The following CMTR1 variants were observed in gnomAD, a reference collection of about 807,000 sequenced individuals.
CMTR1 encodes cap methyltransferase 1.
Under a neutral mutation model 107.0 loss-of-function variants are expected in CMTR1, and 39 were observed. That is an observed-to-expected ratio of 0.36 (90% CI 0.28 to 0.48). The LOEUF (loss-of-function observed/expected upper bound fraction) is 0.48. Among genes scored for constraint, CMTR1 ranks in the 20% least tolerant of loss-of-function variants. The pLI is 0.99. For synonymous variants in CMTR1, 366 were observed against 379.5 expected, an observed-to-expected ratio of 0.96 and a Z score of 0.41; for missense variants, 672 against 1,064.9, an observed-to-expected ratio of 0.63 and a Z score of 5.14.
chr6:37,459,769 T>C, intron 10 of CMTR1, 85 bp downstream of exon 10: 3 of 924,944 alleles, frequency 3.2e-6, no homozygotes, highest in Non-Finnish European at 5.4e-6. Context: ...TCTGGTTCTT[T>C]AGCTGCTCCC....
At chr6:37,438,811 C>T (rs1442707323) in intron 2 of CMTR1, among the ~76,000 whole-genome samples, 3 of 152,184 alleles carry the variant, frequency 2.0e-5, no homozygotes, top group African/African-American at 4.8e-5. Context: ...TCTTAGGTGT[C>T]CCCCGGACAG....
At position 37,446,350 on chromosome 6, in the gene CMTR1, C is replaced by T. The variant is rs545175375; in HGVS notation, c.345C>T (p.Asp115=). The change falls in exon 4 of 24, where the codon GAC becomes GAT. Residue 115 remains aspartate, a synonymous_variant. Transcript: ENST00000373451. ...GTAAATACAGCCAGGGTCGGAAGGA[C>T]ATCGTTGAGGCTTCCAGTCAGAAAG... The part of the protein sequence containing the change: ...GLGKYSQGRK[D]IVEASSQKGR... 1.9e-6 allele frequency: 3 copies of T among 1,614,164 alleles called. No individual in the cohort carries two copies. In the South Asian group the frequency reaches 3.3e-5, roughly 18 times the overall value.
intron 2 of CMTR1, among the ~76,000 whole-genome samples, chr6:37,439,432 T>C (rs1031431539): frequency 6.6e-6 from 1 of 152,158 alleles, no homozygotes; most frequent in African/African-American, 2.4e-5. Flanking sequence ...AGCCAGTTGC[T>C]TTGGAAGTTG....
At chr6:37,473,439 C>G (rs368808697) in intron 16 of CMTR1, 31 bp from the exon 17 acceptor site, 1 of 1,603,894 alleles carries the variant, frequency 6.2e-7, no homozygotes, top group South Asian at 1.1e-5. Flanking sequence ...TCCCCCAACC[C>G]GGCAGTGTTT....
chr6:37,467,233 CAT>C (rs1761528696), intron 13 of CMTR1, among the ~76,000 whole-genome samples: 1 of 152,116 alleles, frequency 6.6e-6, no homozygotes, highest in African/African-American at 2.4e-5. Context: ...ACCTATGGCT[CAT>C]ATATTTTAAA....
chr6:37,477,267 G>C (rs1761757787), intron 20 of CMTR1, among the ~76,000 whole-genome samples: 1 of 152,218 alleles, frequency 6.6e-6, no homozygotes, highest in Admixed American at 6.5e-5. Context: ...AAGATGACTT[G>C]GGGGTGGGAA....
intron 20 of CMTR1, among the ~76,000 whole-genome samples, chr6:37,476,664 C>T (rs1225961867): frequency 1.3e-5 from 2 of 151,972 alleles, no homozygotes; most frequent in Non-Finnish European, 2.9e-5. Context: ...AGTTCCAGGA[C>T]CCTGAGAGAG....
Position 37,474,605 on chromosome 6 carries a change from ACT to A in CMTR1, c.1906_1907del (p.Leu636AlafsTer8). 6.2e-7 allele frequency: 1 copy of A among 1,614,046 alleles called. No homozygotes were observed. The highest frequency in any genetic ancestry group is 8.5e-7 in the Non-Finnish European group (1 of 1,179,976). ...CCTGAAGACAGAGCTGCCCCGGGAC[ACT>A]CTGCTATCTGTGGAAATTGTGCATG... is the stretch of plus-strand genomic sequence containing the variant. ...LDLKTELPRD[T>X]LLSVEIVHEL... is the part of the protein sequence containing the mutation. On this transcript the variant is annotated frameshift_variant, in exon 18 of 24. Transcript: ENST00000373451. LOFTEE classifies it high-confidence loss of function.
At chr6:37,454,587 A>G (rs1326100071) in intron 8 of CMTR1, among the ~76,000 whole-genome samples, 1 of 152,188 alleles carries the variant, frequency 6.6e-6, no homozygotes, top group African/African-American at 2.4e-5. Context: ...AGCAGCTGGT[A>G]TCTGGTTATT....
chr6:37,454,096 AT>A (rs1761241467), intron 8 of CMTR1, among the ~76,000 whole-genome samples: 1 of 152,178 alleles, frequency 6.6e-6, no homozygotes, highest in Non-Finnish European at 1.5e-5. Flanking sequence ...AAAAAAGGAA[AT>A]TTCATTCTAG....
Position 37,481,002 on chromosome 6 carries a change from C to G in CMTR1, c.*857C>G. 1 of 1,301,936 alleles carries G rather than the reference C, an allele frequency of 7.7e-7. No individual in the cohort carries two copies. The highest frequency in any genetic ancestry group is 1.2e-5 in the South Asian group (1 of 80,790). The allele number at this position is 1,301,936 out of a possible 1,614,324, so 80.6% of individuals were successfully genotyped here. A position where few individuals can be genotyped will look rare whatever the true frequency, so the allele number is the denominator to read the frequency against. On this transcript the variant is annotated 3_prime_UTR_variant, in exon 24 of 24. Coordinates refer to ENST00000373451, the MANE Select transcript of CMTR1 (RefSeq NM_015050.3). The stretch of plus-strand genomic sequence containing the variant: ...GGTACCTCCAGGGGTTTGGGTAGCG[C>G]TGCCCTCTGGCAGTCATGCACCGCT...
chr6:37,442,525 A>G (rs1771696715), intron 2 of CMTR1, among the ~76,000 whole-genome samples: 1 of 152,250 alleles, frequency 6.6e-6, no homozygotes, highest in African/African-American at 2.4e-5. Context: ...AGACTGTGAC[A>G]TAGTTCCTGC....
At chr6:37,433,000 C>A (rs536499071), upstream of CMTR1, among the ~76,000 whole-genome samples, 63 of 152,362 alleles carry the variant, frequency 4.1e-4, no homozygotes, top group African/African-American at 1.4e-3. Context: ...CTAGCACTTA[C>A]AATTTTTGTA....
chr6:37,428,061 A>AGAGAGGG, the CMTR1 span, among the ~76,000 whole-genome samples: 1 of 142,958 alleles, frequency 7.0e-6, no homozygotes, highest in African/African-American at 2.6e-5. Flanking sequence ...AGAGAGAGAG[A>AGAGAGGG]AACTCTCTAA....
intron 8 of CMTR1, among the ~76,000 whole-genome samples, chr6:37,456,963 G>C (rs1040229740): frequency 1.3e-5 from 2 of 151,968 alleles, no homozygotes; most frequent in African/African-American, 2.4e-5. Context: ...ACTTACACTT[G>C]TAATTCCAAC....
chr6:37,479,376 C>T (rs1761809088), intron 23 of CMTR1, 121 bp downstream of exon 23: 1 of 736,240 alleles, frequency 1.4e-6, no homozygotes, highest in Non-Finnish European at 2.4e-6. Context: ...CAGGGGTTCC[C>T]CTGAGCACAG....
At chr6:37,459,480 C>T (rs368224376) in intron 9 of CMTR1, 86 bp from the exon 10 acceptor site, 64 of 1,111,240 alleles carry the variant, frequency 5.8e-5, no homozygotes, top group African/African-American at 1.5e-4. Context: ...ACCTGATGCC[C>T]GTCTTCACTG....
chr6:37,425,682 G>A, the CMTR1 span, among the ~76,000 whole-genome samples: 4 of 152,138 alleles, frequency 2.6e-5, no homozygotes, highest in Non-Finnish European at 4.4e-5. Flanking sequence ...TCATTTGTAT[G>A]TGAAGATTGC....
chr6:37,429,947 TA>T (rs36026053), upstream of CMTR1, among the ~76,000 whole-genome samples: 115,380 of 148,406 alleles, frequency 0.78, 45,161 homozygotes, highest in Middle Eastern at 0.92. Context: ...CAAAAAATAA[TA>T]AAAAAAAAAA....
Sources: allele counts gnomAD v4.1 joint callset (sites outside exome capture counted in the v4.1 genomes callset), GRCh38; gene constraint gnomAD v4.1.1; transcripts MANE v1.5; gene names NCBI Gene and HGNC (gene_info 2026-07-23, HGNC 2026-07-21).